The following TBC1D32 variants were observed in gnomAD, a reference collection of about 807,000 sequenced individuals.
TBC1D32 encodes protein broad-minded.
TBC1D32 carries 151 observed loss-of-function variants against 170.3 expected under a neutral mutation model. The ratio of observed to expected loss-of-function variants is 0.89; its 90% CI spans 0.78 to 1.01. The LOEUF (loss-of-function observed/expected upper bound fraction) is 1.01. Ranked by LOEUF, TBC1D32 falls within the 50% of genes least tolerant of loss-of-function variation. The pLI, the probability that TBC1D32 is intolerant of heterozygous loss-of-function variation, is 0.00. For synonymous variants in TBC1D32, 498 were observed against 488.0 expected (o/e 1.02, Z -0.27); for missense variants, 1,464 against 1,457.1 (o/e 1.00, Z -0.08).
intron 20 of TBC1D32, among the ~76,000 whole-genome samples, chr6:121,227,571 T>C (rs917803280): frequency 7.5e-6 from 1 of 134,018 alleles, no homozygotes; most frequent in African/African-American, 2.7e-5. Flanking sequence ...TGAAATAATA[T>C]TAAGAGTTTT....
At chr6:121,281,084 G>A (rs1802915871) in intron 14 of TBC1D32, among the ~76,000 whole-genome samples, 1 of 151,762 alleles carries the variant, frequency 6.6e-6, no homozygotes, top group Non-Finnish European at 1.5e-5. Flanking sequence ...ACTGTAAAGA[G>A]ACATACATCT....
Position 121,126,159 on chromosome 6 carries a change from GA to G in TBC1D32, c.2983+218del, listed in dbSNP as rs1357526201. Among the ~76,000 whole-genome samples the G allele has an allele frequency of 3.6e-4, 55 of 152,256 alleles. 1 individual carries two copies. The highest frequency in any genetic ancestry group is 5.9e-5 in the Non-Finnish European group (4 of 68,014). On this transcript the variant is annotated intron_variant, in intron 26 of 31. Coordinates refer to ENST00000398212, the MANE Select transcript of TBC1D32 (RefSeq NM_152730.6). Reference sequence around the variant, plus strand: ...AAGGCAAAACAACTTTTAGTGGATAGAGAGAGAAAAAGAAAGCTCAAGAAAG... The same window carrying G: ...AAGGCAAAACAACTTTTAGTGGATAGGAGAGAAAAAGAAAGCTCAAGAAAG...
At chr6:121,160,900 A>T (rs753622320) in intron 23 of TBC1D32, 48 bp downstream of exon 23, 259 of 1,502,900 alleles carry the variant, frequency 1.7e-4, no homozygotes, top group Non-Finnish European at 2.2e-4. Flanking sequence ...ATCTTGCTTC[A>T]AAATATGTCA....
At chr6:121,233,626 A>G (rs755514474) in intron 20 of TBC1D32, among the ~76,000 whole-genome samples, 1 of 152,130 alleles carries the variant, frequency 6.6e-6, no homozygotes, top group Non-Finnish European at 1.5e-5. Flanking sequence ...TCTCCTGAAG[A>G]TAGCAGTACC....
At chr6:121,191,517 G>T (rs529351188) in intron 22 of TBC1D32, among the ~76,000 whole-genome samples, 6 of 152,106 alleles carry the variant, frequency 3.9e-5, no homozygotes, top group Non-Finnish European at 5.9e-5. Flanking sequence ...CGATAAAATT[G>T]TGTAAGAATT....
intron 15 of TBC1D32, among the ~76,000 whole-genome samples, chr6:121,276,669 A>G (rs1802263172): frequency 6.6e-6 from 1 of 152,164 alleles, no homozygotes; most frequent in African/African-American, 2.4e-5. Flanking sequence ...TTTACACTTT[A>G]AACATAAAGA....
intron 24 of TBC1D32, among the ~76,000 whole-genome samples, chr6:121,150,337 G>A (rs1784057115): frequency 6.6e-6 from 1 of 152,172 alleles, no homozygotes; most frequent in Admixed American, 6.5e-5. Flanking sequence ...AACCAGCCTT[G>A]CATCCCAGGG....
chr6:121,251,074 A>C (rs918032421), intron 17 of TBC1D32, among the ~76,000 whole-genome samples: 7 of 152,082 alleles, frequency 4.6e-5, no homozygotes, highest in African/African-American at 1.7e-4. Flanking sequence ...TCAAGGAAAT[A>C]AGAGAGGAGA....
At chr6:121,317,393 A>C (rs1278501297) in intron 3 of TBC1D32, 102 bp downstream of exon 3, 3 of 861,062 alleles carry the variant, frequency 3.5e-6, no homozygotes, top group Non-Finnish European at 5.1e-6. Flanking sequence ...TTTTCTCCTG[A>C]ATCTTAAGAA....
intron 30 of TBC1D32, among the ~76,000 whole-genome samples, chr6:121,098,190 TAGA>T (rs908415530): frequency 3.5e-5 from 4 of 113,622 alleles, no homozygotes; most frequent in African/African-American, 2.6e-4. Context: ...GAACTTAAAG[TAGA>T]ATAATAATAA....
At chr6:121,160,861 G>T in intron 23 of TBC1D32, 87 bp downstream of exon 23, 3 of 964,926 alleles carry the variant, frequency 3.1e-6, no homozygotes, top group Non-Finnish European at 3.4e-6. Flanking sequence ...CATTTAAGAG[G>T]TAAAGTTTAG....
At chr6:121,275,921 T>A (rs1802147379) in intron 15 of TBC1D32, among the ~76,000 whole-genome samples, 1 of 151,924 alleles carries the variant, frequency 6.6e-6, no homozygotes, top group Admixed American at 6.6e-5. Context: ...GCTCAGGAGT[T>A]CAAGACCAGT....
intron 22 of TBC1D32, among the ~76,000 whole-genome samples, chr6:121,161,355 G>A (rs1406528567): frequency 6.6e-6 from 1 of 151,996 alleles, no homozygotes; most frequent in Non-Finnish European, 1.5e-5. Flanking sequence ...CTCCTCCCCA[G>A]CTTCACCCTC....
chr6:121,174,384 C>A (rs2128259300), intron 22 of TBC1D32, among the ~76,000 whole-genome samples: 1 of 152,160 alleles, frequency 6.6e-6, no homozygotes, highest in Admixed American at 6.5e-5. Context: ...AATCTAAGTA[C>A]ATAAACTGTA....
At chr6:121,131,119 A>G (rs1378787731) in intron 25 of TBC1D32, among the ~76,000 whole-genome samples, 1 of 152,078 alleles carries the variant, frequency 6.6e-6, no homozygotes, top group Non-Finnish European at 1.5e-5. Flanking sequence ...CAAAATAAAT[A>G]TGTTAATTTA....
chr6:121,295,967 G>A (rs1383303853), intron 10 of TBC1D32, among the ~76,000 whole-genome samples: 2 of 152,024 alleles, frequency 1.3e-5, no homozygotes, highest in Non-Finnish European at 2.9e-5. Flanking sequence ...CAAATAATGT[G>A]GTTTATGAGG....
chr6:121,333,345 A>G (rs1811440157), intron 1 of TBC1D32, among the ~76,000 whole-genome samples: 1 of 152,192 alleles, frequency 6.6e-6, no homozygotes, highest in Admixed American at 6.5e-5. Flanking sequence ...TTCAAGATCT[A>G]CCTCAAATGG....
At chr6:121,123,126 G>A (rs1273724) in intron 26 of TBC1D32, among the ~76,000 whole-genome samples, 45,043 of 151,916 alleles carry the variant, frequency 0.3, 9,535 homozygotes, top group African/African-American at 0.57. Flanking sequence ...CTTAATGGAA[G>A]AGCTTTCTAT....
At chr6:121,328,525 C>A (rs1460689523) in intron 1 of TBC1D32, among the ~76,000 whole-genome samples, 2 of 152,026 alleles carry the variant, frequency 1.3e-5, no homozygotes, top group South Asian at 2.1e-4. Context: ...ACCTCGTGAT[C>A]CACTCGCCTC....
Sources: gnomAD v4.1 joint callset for allele counts (sites outside exome capture counted in the v4.1 genomes callset) on GRCh38, gnomAD v4.1.1 for gene constraint, MANE v1.5 for transcripts, NCBI Gene and HGNC (gene_info 2026-07-23, HGNC 2026-07-21) for gene names.